Variants in MYO1E observed in about 807,000 individuals in gnomAD.
MYO1E encodes the protein unconventional myosin-Ie.
MYO1E carries 68 observed loss-of-function variants against 151.1 expected under a neutral mutation model. The observed-to-expected ratio is 0.45, with a 90% CI of 0.37 to 0.55. The LOEUF (loss-of-function observed/expected upper bound fraction) is 0.55. MYO1E is among the 20% of genes least tolerant of loss of function. The pLI is 0.00. For missense variants in MYO1E, 1,363 were observed against 1,389.3 expected (o/e 0.98, Z 0.30); for synonymous variants, 601 against 501.7 (o/e 1.20, Z -2.64).
chr15:59,244,712 AAC>A (rs2080119563), intron 4 of MYO1E, among the ~76,000 whole-genome samples: 1 of 152,320 alleles, frequency 6.6e-6, no homozygotes, highest in South Asian at 2.1e-4. Context: ...GCAAGATTTT[AAC>A]AGTTTCATTA....
intron 1 of MYO1E, among the ~76,000 whole-genome samples, chr15:59,309,931 C>T (rs2080539752): frequency 6.6e-6 from 1 of 152,184 alleles, no homozygotes; most frequent in Admixed American, 6.5e-5. Flanking sequence ...CTTCCTCCCA[C>T]TACATCAGAT....
intron 1 of MYO1E, among the ~76,000 whole-genome samples, chr15:59,293,769 G>C (rs1465440524): frequency 1.3e-5 from 2 of 152,188 alleles, no homozygotes; most frequent in African/African-American, 2.4e-5. Context: ...TGGGCCAGCT[G>C]TGGTGGCTCA....
At chr15:59,160,974 A>C in intron 24 of MYO1E, 99 bp downstream of exon 24, 1 of 1,495,632 alleles carries the variant, frequency 6.7e-7, no homozygotes, top group South Asian at 1.1e-5. Flanking sequence ...AGGTGTACTG[A>C]TTCTCAGCCC....
At chr15:59,312,220 T>C (rs1333916193) in intron 1 of MYO1E, among the ~76,000 whole-genome samples, 4 of 152,142 alleles carry the variant, frequency 2.6e-5, no homozygotes, top group African/African-American at 7.2e-5. Context: ...TTCAGTCTAG[T>C]TGGGAAAACA....
chr15:59,372,605 A>G lies in MYO1E; in HGVS notation c.-105T>C. ...CTTCAAAAGTTGGTTCCCCTCGCCA[A>G]AAACAGGCTCCCGACACCCAAGCAC... On this transcript the variant is annotated 5_prime_UTR_variant, in exon 1 of 28. Transcript: ENST00000288235. 1 of 1,425,570 alleles carries G rather than the reference A, an allele frequency of 7.0e-7. No homozygotes were observed. The highest frequency in any genetic ancestry group is 9.5e-7 in the Non-Finnish European group (1 of 1,056,112). 88.3% of individuals were successfully genotyped at this position (1,425,570 alleles called of 1,614,324 possible).
intron 22 of MYO1E, among the ~76,000 whole-genome samples, chr15:59,170,856 C>G (rs533120967): frequency 6.6e-6 from 1 of 152,250 alleles, no homozygotes; most frequent in South Asian, 2.1e-4. Flanking sequence ...CTTGGTACAT[C>G]AGACGCCTGA....
chr15:59,319,759 C>T (rs1260738597), intron 1 of MYO1E, among the ~76,000 whole-genome samples: 2 of 151,454 alleles, frequency 1.3e-5, no homozygotes, highest in African/African-American at 2.4e-5. Flanking sequence ...AAAAATTAGC[C>T]GGGCATGGGG....
At chr15:59,226,046 G>T (rs2079989279) in intron 7 of MYO1E, among the ~76,000 whole-genome samples, 1 of 152,166 alleles carries the variant, frequency 6.6e-6, no homozygotes, top group Non-Finnish European at 1.5e-5. Context: ...TCCTGGGGGA[G>T]GGTTGGGGCT....
At chr15:59,238,651 A>C (rs1216481729) in intron 4 of MYO1E, among the ~76,000 whole-genome samples, 1 of 152,118 alleles carries the variant, frequency 6.6e-6, no homozygotes, top group Non-Finnish European at 1.5e-5. Context: ...GGCTCACTGC[A>C]ATCTCTACCT....
At chr15:59,287,269 A>G (rs942777890) in intron 1 of MYO1E, among the ~76,000 whole-genome samples, 5 of 152,226 alleles carry the variant, frequency 3.3e-5, no homozygotes, top group Non-Finnish European at 7.3e-5. Context: ...ACCCACACCC[A>G]AATCGCAAGC....
intron 25 of MYO1E, among the ~76,000 whole-genome samples, chr15:59,155,293 A>G (rs73420826): frequency 8.5e-5 from 13 of 152,234 alleles, no homozygotes; most frequent in Admixed American, 2.0e-4. Context: ...TGCCTGTTGC[A>G]TCTTATAATA....
At chr15:59,144,738 T>G (rs2079430630) in intron 26 of MYO1E, among the ~76,000 whole-genome samples, 1 of 152,198 alleles carries the variant, frequency 6.6e-6, no homozygotes. Flanking sequence ...GGAACACAGT[T>G]GGTGGGAACA....
intron 9 of MYO1E, 125 bp downstream of exon 9, chr15:59,222,934 G>T: frequency 7.1e-7 from 1 of 1,417,498 alleles, no homozygotes. Context: ...TGCCACAGAG[G>T]ACATGTAGAT....
At position 59,134,850 on chromosome 15, in the gene MYO1E, C is replaced by T. The variant is rs1026215942; in HGVS notation, c.*2530G>A. ...CTTAACTGCACAGTGAACAAAATGG[C>T]AGGCCAGGCTAGATCCACAGACTAG... On this transcript the variant is annotated 3_prime_UTR_variant, in exon 28 of 28. Transcript: ENST00000288235. 6.6e-6 allele frequency: 1 copy of T among 152,008 alleles called. No homozygotes were observed. The highest frequency in any genetic ancestry group is 1.5e-5 in the Non-Finnish European group (1 of 68,022). 9.4% of individuals were successfully genotyped at this position (152,008 alleles called of 1,614,324 possible). A position where few individuals can be genotyped will look rare whatever the true frequency, so the allele number is the denominator to read the frequency against.
At chr15:59,209,813 ACCTTTTTTTTTTTTT>A (rs1195016562) in intron 13 of MYO1E, among the ~76,000 whole-genome samples, 12 of 71,166 alleles carry the variant, frequency 1.7e-4, no homozygotes, top group African/African-American at 5.3e-4. Context: ...ATTTTGAATC[ACCTTTTTTTTTTTTT>A]TTTTTTTTTT....
intron 1 of MYO1E, among the ~76,000 whole-genome samples, chr15:59,298,319 T>C (rs565179560): frequency 1.3e-5 from 2 of 152,230 alleles, no homozygotes; most frequent in African/African-American, 4.8e-5. Flanking sequence ...TTGGGCTTCT[T>C]AGATACATGA....
chr15:59,162,289 A>G (rs1020114918), intron 23 of MYO1E, among the ~76,000 whole-genome samples: 1 of 152,096 alleles, frequency 6.6e-6, no homozygotes, highest in Non-Finnish European at 1.5e-5. Context: ...AGCAAATATG[A>G]GATTAGAGGG....
intron 1 of MYO1E, among the ~76,000 whole-genome samples, chr15:59,360,722 ATG>A (rs1555422669): frequency 1.3e-5 from 2 of 152,142 alleles, no homozygotes; most frequent in Non-Finnish European, 2.9e-5. Context: ...CCGATTCCTC[ATG>A]CCTTGCTTGG....
intron 2 of MYO1E, chr15:59,266,693 C>CA (rs1486567735): frequency 7.4e-6 from 1 of 134,310 alleles, no homozygotes; most frequent in Non-Finnish European, 1.5e-5. Flanking sequence ...GACGGAGTCT[C>CA]AGTCTGTCAC....
Sources: gnomAD v4.1 joint callset for allele counts (sites outside exome capture counted in the v4.1 genomes callset) on GRCh38, gnomAD v4.1.1 for gene constraint, MANE v1.5 for transcripts, NCBI Gene and HGNC (gene_info 2026-07-23, HGNC 2026-07-21) for gene names.